The following JAKMIP1 variants were observed in gnomAD, a reference collection of about 807,000 sequenced individuals.
JAKMIP1 encodes the protein janus kinase and microtubule interacting protein 1.
A neutral mutation model predicts 113.0 loss-of-function variants in JAKMIP1; 33 were observed. The ratio of observed to expected loss-of-function variants is 0.29; its 90% confidence interval spans 0.22 to 0.39. JAKMIP1 has a LOEUF of 0.39. JAKMIP1 is among the 10% of genes least tolerant of loss of function. The pLI is 1.00. For synonymous variants in JAKMIP1, 480 were observed against 459.9 expected, an observed-to-expected ratio of 1.04 and a Z score of -0.56; for missense variants, 813 against 1,080.5, an observed-to-expected ratio of 0.75 and a Z score of 3.47.
intron 18 of JAKMIP1, 86 bp from the exon 19 acceptor site, chr4:6,036,193 G>A: frequency 9.0e-7 from 1 of 1,108,318 alleles, no homozygotes; most frequent in Non-Finnish European, 1.3e-6. Flanking sequence ...TGGAGGCAGA[G>A]CCAGGGAGGG....
chr4:6,033,895 A>C (rs1052464203), intron 19 of JAKMIP1, among the ~76,000 whole-genome samples: 7 of 152,210 alleles, frequency 4.6e-5, no homozygotes, highest in Non-Finnish European at 8.8e-5. Flanking sequence ...ATCAATAGTT[A>C]ACCCTCAGGG....
intron 1 of JAKMIP1, among the ~76,000 whole-genome samples, chr4:6,117,631 C>T (rs1445819970): frequency 2.0e-5 from 3 of 151,864 alleles, no homozygotes; most frequent in Non-Finnish European, 2.9e-5. Flanking sequence ...GTTTATTAGG[C>T]GGGAATTTCC....
intron 18 of JAKMIP1, among the ~76,000 whole-genome samples, chr4:6,036,737 G>A (rs1244142683): frequency 1.3e-5 from 2 of 152,228 alleles, no homozygotes; most frequent in Non-Finnish European, 2.9e-5. Flanking sequence ...ACACTTAAAT[G>A]TAGCTATCTT....
At chr4:6,169,811 G>A (rs1724130510) in intron 1 of JAKMIP1, among the ~76,000 whole-genome samples, 1 of 151,706 alleles carries the variant, frequency 6.6e-6, no homozygotes, top group African/African-American at 2.4e-5. Context: ...GGCTAGTGGT[G>A]GTACCTACCT....
rs1725888319 is a variant in JAKMIP1 at position 6,180,441 on chromosome 4, G to A, written c.-148+19812C>T. On this transcript the variant is annotated intron_variant, in intron 1 of 20. Transcript: ENST00000409021. The surrounding 1 kb of genome is among the most constrained non-coding windows in gnomAD (Gnocchi z 4.5). Reference sequence around the variant, plus strand: ...AACAGGAGAGAAACTTGGAGGTGAGGATAGGCAATGGGGACCGATACCTGT... The same window carrying A: ...AACAGGAGAGAAACTTGGAGGTGAGAATAGGCAATGGGGACCGATACCTGT... 1.3e-5 allele frequency among the ~76,000 whole-genome samples: 2 copies of A among 152,182 alleles called. No homozygotes were observed. The highest frequency in any genetic ancestry group is 2.9e-5 in the Non-Finnish European group (2 of 68,036).
intron 1 of JAKMIP1, among the ~76,000 whole-genome samples, chr4:6,124,481 A>C (rs1456195373): frequency 6.6e-6 from 1 of 151,992 alleles, no homozygotes; most frequent in African/African-American, 2.4e-5. Flanking sequence ...CAGTTCTCAG[A>C]GGTGTCCCCT....
chr4:6,036,616 A>C (rs1278380772), intron 18 of JAKMIP1, among the ~76,000 whole-genome samples: 2 of 151,700 alleles, frequency 1.3e-5, no homozygotes, highest in Admixed American at 1.3e-4. Context: ...CCCCCAACAA[A>C]AGCAAGCCAC....
At position 6,081,145 on chromosome 4, in the gene JAKMIP1, G is replaced by A. The variant is rs140031384; in HGVS notation, c.1101+464C>T. ...TCATTCTGTAAACTGTCAACTACAAGACGCCTGCCCTGACCACAAACACCA... is the reference window on the plus strand; with the variant it reads ...TCATTCTGTAAACTGTCAACTACAAAACGCCTGCCCTGACCACAAACACCA... On this transcript the variant is annotated intron_variant, in intron 6 of 20. Transcript: ENST00000409021. This position sits in a 1 kb window ranked among gnomAD's most constrained non-coding sequence, Gnocchi z 4.6. Among the ~76,000 whole-genome samples, 4 of 152,290 alleles carry A rather than the reference G, an allele frequency of 2.6e-5. No homozygotes were observed. The highest frequency in any genetic ancestry group is 5.9e-5 in the Non-Finnish European group (4 of 68,030).
At position 6,157,349 on chromosome 4, in the gene JAKMIP1, G is replaced by A. The variant is rs62282964; in HGVS notation, c.-148+42904C>T. Among the ~76,000 whole-genome samples the A allele has an allele frequency of 6.6e-6, 1 of 152,134 alleles. No homozygotes were observed. The highest frequency in any genetic ancestry group is 1.5e-5 in the Non-Finnish European group (1 of 68,026). On this transcript the variant is annotated intron_variant, in intron 1 of 20. Coordinates refer to ENST00000409021, the MANE Select transcript of JAKMIP1 (RefSeq NM_001099433.2). The surrounding 1 kb of genome is among the most constrained non-coding windows in gnomAD (Gnocchi z 4.7). ...AAGGCGCACGGGATGGGAAGCTGGC[G>A]CACAACACAGGGTTGTCCCAAGAAC...
intron 2 of JAKMIP1, among the ~76,000 whole-genome samples, chr4:6,111,809 C>T (rs756159997): frequency 6.6e-5 from 10 of 152,326 alleles, no homozygotes; most frequent in African/African-American, 2.4e-4. Context: ...ATCGCAGAAC[C>T]AGGCTCTGTT....
chr4:6,161,799 A>C lies in JAKMIP1; in HGVS notation c.-148+38454T>G, dbSNP rs78197484. On this transcript the variant is annotated intron_variant, in intron 1 of 20. Transcript: ENST00000409021. ...GGAGGAGGAACTGGAGGGCCGGATT[A>C]GATGAGGTAGAACCCAGGAGGTTGT... Among the ~76,000 whole-genome samples, 1,488 of 152,258 alleles carry C rather than the reference A, an allele frequency of 9.8e-3. 18 individuals carry two copies. Among genetic ancestry groups the C allele is most frequent in the African/African-American group, 0.034 (1,415 of 41,558 alleles).
rs904177517 is a variant in JAKMIP1, at chr4:6,048,993, G to C, written c.1963-71C>G. The C allele has an allele frequency of 2.5e-6, 3 of 1,190,342 alleles. No homozygotes were observed. The African/African-American group carries it at 4.6e-5, about 18-fold the overall frequency. 73.7% of individuals were successfully genotyped at this position (1,190,342 alleles called of 1,614,324 possible). ...TCCACGTGCAGACAGTCAGCACCAAGCAAGTTTTTTTTTTTCGTTGTTGTT... is the reference window on the plus strand; with the variant it reads ...TCCACGTGCAGACAGTCAGCACCAACCAAGTTTTTTTTTTTCGTTGTTGTT... On this transcript the variant is annotated intron_variant, in intron 15 of 20. Coordinates refer to ENST00000409021, the MANE Select transcript of JAKMIP1 (RefSeq NM_001099433.2).
rs542592540 is a variant in JAKMIP1 at position 6,120,869 on chromosome 4, C to T, written c.-147-7872G>A. Among the ~76,000 whole-genome samples, 9 of 140,338 alleles carry T rather than the reference C, an allele frequency of 6.4e-5. No individual in the cohort carries two copies. In the South Asian group the frequency reaches 2.3e-3, roughly 36 times the overall value. 92.1% of individuals were successfully genotyped at this position (140,338 alleles called of 152,430 possible). A position where few individuals can be genotyped will look rare whatever the true frequency, so the allele number is the denominator to read the frequency against. On this transcript the variant is annotated intron_variant, in intron 1 of 20. Coordinates refer to ENST00000409021, the MANE Select transcript of JAKMIP1 (RefSeq NM_001099433.2). ...GAGGCTAAGTGCCTTCAGGTTTGGG[C>T]ATTTCTTGGCACACTTCCTGGCACA... is the stretch of plus-strand genomic sequence containing the variant.
At position 6,157,290 on chromosome 4, in the gene JAKMIP1, C is replaced by T. The variant is rs1000326135; in HGVS notation, c.-148+42963G>A. On this transcript the variant is annotated intron_variant, in intron 1 of 20. Transcript: ENST00000409021. The surrounding 1 kb of genome is among the most constrained non-coding windows in gnomAD (Gnocchi z 4.7). ...TATAGCAACACAAAATGGACTAAGA[C>T]GAGTGCACCTGGGCAGGTTACTCCC... Among the ~76,000 whole-genome samples, 4 of 152,108 alleles carry T rather than the reference C, an allele frequency of 2.6e-5. No individual in the cohort carries two copies. Among genetic ancestry groups the T allele is most frequent in the African/African-American group, 7.2e-5 (3 of 41,424 alleles).
rs138430290 is a variant in JAKMIP1, at chr4:6,061,551, C to T, written c.1560+761G>A. On this transcript the variant is annotated intron_variant, in intron 10 of 20. Transcript: ENST00000409021. This position sits in a 1 kb window ranked among gnomAD's most constrained non-coding sequence, Gnocchi z 5.3. ...TGAGAAAGAGCACAGGCCCTGAGTC[C>T]GAGAAACCTGGCCTCGACTCCCAGC... is the stretch of plus-strand genomic sequence containing the variant. Among the ~76,000 whole-genome samples, 276 of 152,348 alleles carry T rather than the reference C, an allele frequency of 1.8e-3. 2 individuals are homozygous for T. Among genetic ancestry groups the T allele is most frequent in the African/African-American group, 6.3e-3 (262 of 41,582 alleles).
At position 6,187,963 on chromosome 4, in the gene JAKMIP1, G is replaced by A. The variant is rs574735120; in HGVS notation, c.-148+12290C>T. On this transcript the variant is annotated intron_variant, in intron 1 of 20. Transcript: ENST00000409021. The surrounding 1 kb of genome is among the most constrained non-coding windows in gnomAD (Gnocchi z 4.2). ...TTTTGCACTAAATGAATCAGACACCGTGTTTGCCATGTAAGTCAGGAGCAA... is the reference window on the plus strand; with the variant it reads ...TTTTGCACTAAATGAATCAGACACCATGTTTGCCATGTAAGTCAGGAGCAA... Among the ~76,000 whole-genome samples the A allele has an allele frequency of 3.8e-4, 58 of 152,174 alleles. No individual in the cohort carries two copies. Among genetic ancestry groups the A allele is most frequent in the African/African-American group, 1.3e-3 (53 of 41,518 alleles).
At chr4:6,122,281 G>A (rs1271651535) in intron 1 of JAKMIP1, among the ~76,000 whole-genome samples, 3 of 152,110 alleles carry the variant, frequency 2.0e-5, no homozygotes, top group Admixed American at 6.6e-5. Context: ...AGCCGAGATC[G>A]AACCACTGCA....
At chr4:6,078,828 G>A (rs1192865806) in intron 8 of JAKMIP1, 111 bp downstream of exon 8, 5 of 924,734 alleles carry the variant, frequency 5.4e-6, no homozygotes, top group Admixed American at 1.9e-5. Context: ...GCAGAGATGT[G>A]TGTGTCTGCT....
At chr4:6,123,276 A>C (rs1264119156) in intron 1 of JAKMIP1, among the ~76,000 whole-genome samples, 1 of 152,200 alleles carries the variant, frequency 6.6e-6, no homozygotes. Context: ...CAGTAGGCAA[A>C]GCCCCCGTCC....
Sources: allele counts gnomAD v4.1 joint callset (sites outside exome capture counted in the v4.1 genomes callset), GRCh38; gene constraint gnomAD v4.1.1; non-coding constraint Gnocchi (gnomAD v3.1); transcripts MANE v1.5; gene names NCBI Gene and HGNC (gene_info 2026-07-23, HGNC 2026-07-21).